TMEM217: variants seen among roughly 807,000 people sequenced by gnomAD.
TMEM217 encodes transmembrane protein 217, also known as chromosome 6 open reading frame 128.
For synonymous variants in TMEM217, 76 were observed against 88.3 expected, an observed-to-expected ratio of 0.86 and a Z score of 0.78; for missense variants, 204 against 248.8, an observed-to-expected ratio of 0.82 and a Z score of 1.21.
intron 1 of TMEM217, among the ~76,000 whole-genome samples, chr6:37,226,378 C>T (rs1172609509): frequency 6.7e-6 from 1 of 148,220 alleles, no homozygotes; most frequent in African/African-American, 2.5e-5. Context: ...CTGCAAGCTC[C>T]GCCTCCCGGG....
intron 1 of TMEM217, among the ~76,000 whole-genome samples, chr6:37,254,947 T>C (rs1207213023): frequency 6.6e-6 from 1 of 152,192 alleles, no homozygotes; most frequent in Non-Finnish European, 1.5e-5. Context: ...CAATGCAACC[T>C]AGATCCCTTG....
At chr6:37,253,315 T>C (rs1312540572) in intron 1 of TMEM217, among the ~76,000 whole-genome samples, 1 of 152,238 alleles carries the variant, frequency 6.6e-6, no homozygotes, top group Non-Finnish European at 1.5e-5. Context: ...AATATCTTTG[T>C]ACACAGAGAT....
At chr6:37,217,309 G>T (rs1423513150), downstream of TMEM217, among the ~76,000 whole-genome samples, 1 of 152,036 alleles carries the variant, frequency 6.6e-6, no homozygotes, top group Non-Finnish European at 1.5e-5. Context: ...TAAAAAATGT[G>T]CTTCATACAG....
At chr6:37,218,679 C>A in exon 2 of TMEM217, 1 of 1,614,058 alleles carries the variant, frequency 6.2e-7, no homozygotes, top group Non-Finnish European at 8.5e-7. Context: ...ATGTCAAAGT[C>A]ATTGTTGGTG....
At chr6:37,256,408 A>T (rs1250042776) in intron 1 of TMEM217, among the ~76,000 whole-genome samples, 1 of 152,206 alleles carries the variant, frequency 6.6e-6, no homozygotes, top group East Asian at 1.9e-4. Context: ...CTTAGTGTGC[A>T]GTGCTGGTCA....
chr6:37,254,260 T>G (rs892203274), intron 1 of TMEM217, among the ~76,000 whole-genome samples: 1 of 152,204 alleles, frequency 6.6e-6, no homozygotes, highest in Non-Finnish European at 1.5e-5. Context: ...TAGGAAGCAC[T>G]GGTCTAGTGG....
chr6:37,234,701 A>C (rs1583464843), intron 1 of TMEM217, among the ~76,000 whole-genome samples: 1 of 152,008 alleles, frequency 6.6e-6, no homozygotes, highest in Admixed American at 6.6e-5. Flanking sequence ...GTGCCACTGC[A>C]CTCCAGCCTA....
intron 1 of TMEM217, among the ~76,000 whole-genome samples, chr6:37,241,563 G>A (rs528373702): frequency 1.3e-5 from 2 of 152,256 alleles, no homozygotes; most frequent in Admixed American, 1.3e-4. Context: ...GCTGGCATGA[G>A]GCAGCTGTCA....
At chr6:37,225,932 C>T (rs1401047469) in intron 1 of TMEM217, among the ~76,000 whole-genome samples, 1 of 152,180 alleles carries the variant, frequency 6.6e-6, no homozygotes, top group Non-Finnish European at 1.5e-5. Context: ...TATGACCTAC[C>T]CTATCAGCCG....
intron 1 of TMEM217, among the ~76,000 whole-genome samples, chr6:37,228,735 C>A (rs1309304312): frequency 6.6e-6 from 1 of 151,662 alleles, no homozygotes; most frequent in African/African-American, 2.4e-5. Flanking sequence ...CAGTGGCTCA[C>A]GCCTATAATC....
At chr6:37,239,480 AT>A (rs1189839795) in intron 1 of TMEM217, among the ~76,000 whole-genome samples, 4 of 1,708 alleles carry the variant, frequency 2.3e-3, no homozygotes, top group African/African-American at 9.1e-3. Context: ...GTCTTAAAAA[AT>A]AAATAAATAA....
intron 1 of TMEM217, among the ~76,000 whole-genome samples, chr6:37,244,671 T>C (rs1251345889): frequency 6.6e-6 from 1 of 152,242 alleles, no homozygotes; most frequent in Non-Finnish European, 1.5e-5. Flanking sequence ...GGCCGTATAT[T>C]GTCACAATAA....
rs1765840516 is a variant in TMEM217, at chr6:37,257,693, A to G, written c.-137T>C. On this transcript the variant is annotated 5_prime_UTR_variant, in exon 1 of 2. Transcript: ENST00000357219. The stretch of plus-strand genomic sequence containing the variant: ...CCGGTCGGCTTCAGCGGCCTGCAGG[A>G]TTCCGGCTCCCAATTGGTCGGCCCG... The G allele has an allele frequency of 7.3e-6, 4 of 546,772 alleles. No individual in the cohort carries two copies. The South Asian group carries it at 9.0e-5, about 12-fold the overall frequency. 33.9% of individuals were successfully genotyped at this position (546,772 alleles called of 1,614,324 possible).
intron 1 of TMEM217, among the ~76,000 whole-genome samples, chr6:37,234,001 A>C (rs1414718816): frequency 2.6e-5 from 4 of 152,102 alleles, no homozygotes; most frequent in African/African-American, 7.2e-5. Context: ...TTTTTTTATT[A>C]GATGATTTTG....
At chr6:37,249,780 A>G (rs1765301466) in intron 1 of TMEM217, among the ~76,000 whole-genome samples, 1 of 152,220 alleles carries the variant, frequency 6.6e-6, no homozygotes, top group South Asian at 2.1e-4. Context: ...ACAAAAATGG[A>G]ACTCTCATCC....
At chr6:37,229,337 T>TTTTG (rs1176310101) in intron 1 of TMEM217, among the ~76,000 whole-genome samples, 35 of 119,646 alleles carry the variant, frequency 2.9e-4, no homozygotes, top group African/African-American at 1.1e-3. Flanking sequence ...AACTTTCAGT[T>TTTTG]TTTTTTTTTT....
chr6:37,220,586 A>T (rs533016206), intron 1 of TMEM217, among the ~76,000 whole-genome samples: 6 of 151,398 alleles, frequency 4.0e-5, no homozygotes, highest in South Asian at 4.2e-4. Context: ...TACATGAAGT[A>T]TTTTTTTTAA....
At chr6:37,256,151 C>T (rs1765713743) in intron 1 of TMEM217, among the ~76,000 whole-genome samples, 1 of 152,204 alleles carries the variant, frequency 6.6e-6, no homozygotes, top group Non-Finnish European at 1.5e-5. Context: ...TGGAAAGTGG[C>T]AGGTATCTTG....
At chr6:37,233,897 G>A in intron 1 of TMEM217, among the ~76,000 whole-genome samples, 1 of 152,052 alleles carries the variant, frequency 6.6e-6, no homozygotes, top group Non-Finnish European at 1.5e-5. Context: ...AATACTTGGA[G>A]TACCCATACA....
Sources: allele counts gnomAD v4.1 joint callset (sites outside exome capture counted in the v4.1 genomes callset), GRCh38; gene constraint gnomAD v4.1.1; transcripts MANE v1.5; gene names NCBI Gene and HGNC (gene_info 2026-07-23, HGNC 2026-07-21).